SNAP91: variants seen among roughly 807,000 people sequenced by gnomAD.
The protein encoded by SNAP91 is synaptosome associated protein 91, also known as clathrin coat assembly protein AP180.
Under a neutral mutation model 100.3 loss-of-function variants are expected in SNAP91, and 27 were observed. The ratio of observed to expected loss-of-function variants is 0.27; its 90% CI spans 0.20 to 0.37. The LOEUF is 0.37. Among genes scored for constraint, SNAP91 ranks in the 10% least tolerant of loss-of-function variants. The probability of loss-of-function intolerance (pLI) is 1.00; values close to 1 mark genes in which losing one functional copy is unlikely to be tolerated. For missense variants in SNAP91, 986 were observed against 1,123.7 expected (o/e 0.88, Z 1.75); for synonymous variants, 404 against 398.6 (o/e 1.01, Z -0.16).
intron 25 of SNAP91, 48 bp downstream of exon 25, chr6:83,575,975 A>G: frequency 9.4e-7 from 1 of 1,059,724 alleles, no homozygotes; most frequent in Non-Finnish European, 1.4e-6. Flanking sequence ...TCTCAAATGA[A>G]TACAAATATA....
intron 24 of SNAP91, among the ~76,000 whole-genome samples, chr6:83,577,661 TG>T (rs899841040): frequency 1.3e-5 from 2 of 152,144 alleles, no homozygotes; most frequent in African/African-American, 4.8e-5. Context: ...AAACTGTGAT[TG>T]GGCAAGACTG....
intron 2 of SNAP91, among the ~76,000 whole-genome samples, chr6:83,682,499 A>G (rs1433329751): frequency 1.3e-5 from 2 of 151,706 alleles, no homozygotes; most frequent in Non-Finnish European, 2.9e-5. Context: ...GAGCCACTGC[A>G]CCTGGCCTAT....
At chr6:83,691,452 T>C (rs1157324350) in intron 2 of SNAP91, among the ~76,000 whole-genome samples, 1 of 152,186 alleles carries the variant, frequency 6.6e-6, no homozygotes, top group African/African-American at 2.4e-5. Flanking sequence ...ACTGTTAGTA[T>C]ATACAATGTA....
At chr6:83,645,716 T>C (rs1369996884) in intron 7 of SNAP91, among the ~76,000 whole-genome samples, 2 of 151,774 alleles carry the variant, frequency 1.3e-5, no homozygotes, top group Non-Finnish European at 2.9e-5. Flanking sequence ...CCAGGAGTGG[T>C]GGTGCGTGTC....
chr6:83,691,842 T>C (rs1467972428), intron 2 of SNAP91, among the ~76,000 whole-genome samples: 1 of 152,050 alleles, frequency 6.6e-6, no homozygotes, highest in Non-Finnish European at 1.5e-5. Flanking sequence ...TCCAAACCTA[T>C]CAAGTCTCAA....
chr6:83,667,884 T>C (rs912761822), intron 2 of SNAP91, among the ~76,000 whole-genome samples: 2 of 151,754 alleles, frequency 1.3e-5, no homozygotes, highest in African/African-American at 4.8e-5. Flanking sequence ...ACCATCAGAG[T>C]GGACAGGCAA....
At chr6:83,705,022 A>G (rs2099360058) in intron 2 of SNAP91, among the ~76,000 whole-genome samples, 1 of 152,246 alleles carries the variant, frequency 6.6e-6, no homozygotes, top group African/African-American at 2.4e-5. Flanking sequence ...AAGGAACTTC[A>G]CAAAGAATTC....
At chr6:83,690,382 A>T in intron 2 of SNAP91, 1 of 1,288,710 alleles carries the variant, frequency 7.8e-7, no homozygotes, top group Non-Finnish European at 1.0e-6. Flanking sequence ...AGATGCTGGA[A>T]CATACTTTCA....
intron 9 of SNAP91, among the ~76,000 whole-genome samples, chr6:83,622,067 T>C (rs2096751412): frequency 6.6e-6 from 1 of 152,126 alleles, no homozygotes; most frequent in South Asian, 2.1e-4. Context: ...TTATGCACAC[T>C]TAATTTTTTG....
intron 5 of SNAP91, among the ~76,000 whole-genome samples, chr6:83,659,559 G>A (rs1055434377): frequency 2.0e-5 from 3 of 151,534 alleles, no homozygotes; most frequent in Admixed American, 2.0e-4. Flanking sequence ...TGAGTAGCTG[G>A]AACTACAGGT....
chr6:83,588,414 T>C (rs2093170123), intron 22 of SNAP91, among the ~76,000 whole-genome samples: 2 of 152,250 alleles, frequency 1.3e-5, no homozygotes, highest in South Asian at 4.1e-4. Context: ...TGACATTGGG[T>C]ACTTTCATTG....
intron 2 of SNAP91, among the ~76,000 whole-genome samples, chr6:83,672,405 AT>A (rs141565599): frequency 0.063 from 9,295 of 148,360 alleles, 288 homozygotes; most frequent in Middle Eastern, 0.087. Context: ...CTGCAGCTCC[AT>A]TTTTTTTTTC....
chr6:83,681,784 A>C lies in SNAP91; in HGVS notation c.131-16203T>G, dbSNP rs143154320. Among the ~76,000 whole-genome samples the C allele has an allele frequency of 4.1e-3, 628 of 152,316 alleles. 3 individuals carry two copies. Among genetic ancestry groups the C allele is most frequent in the Admixed American group, 6.5e-3 (100 of 15,304 alleles). On this transcript the variant is annotated intron_variant, in intron 2 of 29. Coordinates refer to ENST00000369694, the MANE Select transcript of SNAP91 (RefSeq NM_001242792.2). ...AACTCTGGACATAATAAGCTGTATA[A>C]AAGATGACCAATCTTGGTCTACCAT...
chr6:83,667,970 T>C (rs907085091), intron 2 of SNAP91, among the ~76,000 whole-genome samples: 2 of 151,892 alleles, frequency 1.3e-5, no homozygotes, highest in Non-Finnish European at 2.9e-5. Flanking sequence ...CAAAGAACTC[T>C]AACAAATTTA....
At chr6:83,647,513 G>A (rs1255852765) in intron 7 of SNAP91, among the ~76,000 whole-genome samples, 1 of 152,078 alleles carries the variant, frequency 6.6e-6, no homozygotes, top group Non-Finnish European at 1.5e-5. Flanking sequence ...TGTTGAACCA[G>A]CTTTGCATAC....
chr6:83,563,101 T>C (rs1191615479), intron 26 of SNAP91, among the ~76,000 whole-genome samples: 1 of 152,178 alleles, frequency 6.6e-6, no homozygotes, highest in East Asian at 1.9e-4. Flanking sequence ...TTTGCCAGTA[T>C]AAACAAGCTT....
Position 83,631,011 on chromosome 6 carries a change from T to C in SNAP91, c.766-7669A>G, listed in dbSNP as rs146011260. ...CCTTTCCTCTTACCACTGCCTTTACTGTGTCCCAGAGGTTTTGATAGGTTG... is the reference window on the plus strand; with the variant it reads ...CCTTTCCTCTTACCACTGCCTTTACCGTGTCCCAGAGGTTTTGATAGGTTG... On this transcript the variant is annotated intron_variant, in intron 8 of 29. Transcript: ENST00000369694. Among the ~76,000 whole-genome samples the C allele has an allele frequency of 9.9e-5, 15 of 152,284 alleles. No individual in the cohort carries two copies. In the East Asian group the frequency reaches 2.7e-3, roughly 27 times the overall value.
chr6:83,626,319 T>C (rs115580791), intron 8 of SNAP91, among the ~76,000 whole-genome samples: 2,356 of 152,256 alleles, frequency 0.015, 68 homozygotes, highest in African/African-American at 0.051. Context: ...TTCTTTTTGC[T>C]TAAGATTGCT....
chr6:83,556,322 A>AG lies in SNAP91; in HGVS notation c.2632-78dup, dbSNP rs1271412574. The AG allele has an allele frequency of 3.7e-5, 4 of 108,546 alleles. No homozygotes were observed. The Admixed American group carries it at 5.2e-4, about 14-fold the overall frequency. The allele number at this position is 108,546 out of a possible 1,614,324, so 6.7% of individuals were successfully genotyped here. ...ATGAGACATGGGGGGAAGAGGGGGC[A>AG]GGGGGAGAGAGGGAGAGGGGGAGAG... On this transcript the variant is annotated intron_variant, in intron 28 of 29. Coordinates refer to ENST00000369694, the MANE Select transcript of SNAP91 (RefSeq NM_001242792.2).
Sources: gnomAD v4.1 joint callset for allele counts (sites outside exome capture counted in the v4.1 genomes callset) on GRCh38, gnomAD v4.1.1 for gene constraint, MANE v1.5 for transcripts, NCBI Gene and HGNC (gene_info 2026-07-23, HGNC 2026-07-21) for gene names.